The following ARL3 variants were observed in gnomAD, a reference collection of about 807,000 sequenced individuals.
The protein encoded by ARL3 is ADP-ribosylation factor-like protein 3.
In ARL3, 9 loss-of-function variants were observed where a neutral mutation model predicts 26.0. That is an observed-to-expected ratio of 0.35 (90% CI 0.21 to 0.60). ARL3 has a LOEUF of 0.60. ARL3 is among the 20% of genes least tolerant of loss of function. ARL3 has a pLI of 0.78. For missense variants in ARL3, 158 were observed against 215.7 expected, an observed-to-expected ratio of 0.73 and a Z score of 1.67; for synonymous variants, 71 against 78.4, an observed-to-expected ratio of 0.91 and a Z score of 0.50.
At chr10:102,692,446 C>T (rs1358691241) in intron 3 of ARL3, among the ~76,000 whole-genome samples, 1 of 152,210 alleles carries the variant, frequency 6.6e-6, no homozygotes, top group South Asian at 2.1e-4. Context: ...GACGGAGTCT[C>T]GCTCTGTCAC....
intron 3 of ARL3, among the ~76,000 whole-genome samples, chr10:102,691,919 T>TC (rs2064220188): frequency 1.3e-5 from 2 of 152,172 alleles, no homozygotes; most frequent in African/African-American, 2.4e-5. Flanking sequence ...TAGAATCTAA[T>TC]CCCAGGGACT....
intron 3 of ARL3, 65 bp downstream of exon 3, chr10:102,699,308 A>G (rs2064265607): frequency 5.7e-6 from 5 of 874,266 alleles, no homozygotes; most frequent in African/African-American, 3.1e-5. Context: ...AGAATGTTAC[A>G]GTGTCCATGT....
intron 2 of ARL3, among the ~76,000 whole-genome samples, chr10:102,703,425 C>CTTTTTTTTTTTTTTTTTTTT (rs57721161): frequency 4.1e-5 from 2 of 48,478 alleles, no homozygotes; most frequent in Admixed American, 5.9e-4. Context: ...CAGGACTTGT[C>CTTTTTTTTTTTTTTTTTTTT]TTTTTTTTTT....
chr10:102,693,861 G>C (rs1171893790), intron 3 of ARL3, among the ~76,000 whole-genome samples: 1 of 151,858 alleles, frequency 6.6e-6, no homozygotes, highest in African/African-American at 2.4e-5. Context: ...TTTTTGTAGA[G>C]ACAGGGTCAC....
Position 102,673,759 on chromosome 10 carries a change from A to G in ARL3, c.*3135T>C, listed in dbSNP as rs1590116169. 6.6e-6 allele frequency: 1 copy of G among 152,286 alleles called. No homozygotes were observed. The highest frequency in any genetic ancestry group is 1.9e-4 in the East Asian group (1 of 5,188). 9.4% of individuals were successfully genotyped at this position (152,286 alleles called of 1,614,324 possible). On this transcript the variant is annotated 3_prime_UTR_variant, in exon 6 of 6. Transcript: ENST00000260746. Reference sequence around the variant, plus strand: ...GTTCCAGCTAAATTTTATTTGTCGGATTTTTGACAGACGTCTAAATTATAC... The same window carrying G: ...GTTCCAGCTAAATTTTATTTGTCGGGTTTTTGACAGACGTCTAAATTATAC...
Position 102,685,876 on chromosome 10 carries a change from G to A in ARL3, c.441C>T (p.Thr147=). 1 of 1,614,106 alleles carries A rather than the reference G, an allele frequency of 6.2e-7. No individual in the cohort carries two copies. The highest frequency in any genetic ancestry group is 8.5e-7 in the Non-Finnish European group (1 of 1,180,024). ...SEIAEGLNLH[T]IRDRVWQIQS... Reference sequence around the variant, plus strand: ...GGATCTGCCAGACTCGGTCGCGGATGGTATGCAGGTTCAGTCCTTCTGCAA... The same window carrying A: ...GGATCTGCCAGACTCGGTCGCGGATAGTATGCAGGTTCAGTCCTTCTGCAA... Residue 147 remains threonine, a synonymous_variant, in exon 5 of 6, where the codon ACC becomes ACT. Transcript: ENST00000260746.
rs75713255 is a variant in ARL3, at chr10:102,691,878, C to T, written c.265-1935G>A. ...ACCTTCACTCTAAGCTGCTACAAAA[C>T]TGGCAGACAGGGCTGTGAGTCACAA... On this transcript the variant is annotated intron_variant, in intron 3 of 5. Transcript: ENST00000260746. 9.8e-4 allele frequency among the ~76,000 whole-genome samples: 149 copies of T among 152,344 alleles called. 1 individual carries two copies. Among genetic ancestry groups the T allele is most frequent in the African/African-American group, 3.3e-3 (138 of 41,576 alleles).
At chr10:102,709,437 C>A (rs1590129463) in intron 1 of ARL3, among the ~76,000 whole-genome samples, 2 of 132,410 alleles carry the variant, frequency 1.5e-5, no homozygotes, top group East Asian at 2.4e-4. Context: ...GCCAGGAATT[C>A]AAGATCAGCC....
At position 102,676,930 on chromosome 10, in the gene ARL3, G is replaced by A; in HGVS notation, c.513C>T (p.Asn171=). Residue 171 remains asparagine (N), a synonymous_variant, in exon 6 of 6, where the codon AAC becomes AAT. Transcript: ENST00000260746. ...TTGCATTGACATTTTTGCAGACCCA[G>A]TTCATGCCATCCTTTGAGGGAAATG... is the stretch of plus-strand genomic sequence containing the variant. The part of the protein sequence containing the change: ...LTGEGVQDGM[N]WVCKNVNAKK... 1 of 1,614,088 alleles carries A rather than the reference G, an allele frequency of 6.2e-7. No individual in the cohort carries two copies. Among genetic ancestry groups the A allele is most frequent in the Non-Finnish European group, 8.5e-7 (1 of 1,179,930 alleles).
chr10:102,692,855 G>A (rs889334860), intron 3 of ARL3, among the ~76,000 whole-genome samples: 2 of 152,250 alleles, frequency 1.3e-5, no homozygotes, highest in South Asian at 4.1e-4. Flanking sequence ...GACTACAGGC[G>A]CCCGCCGGCA....
chr10:102,684,758 C>A (rs996567141), intron 5 of ARL3, among the ~76,000 whole-genome samples: 2 of 151,966 alleles, frequency 1.3e-5, no homozygotes, highest in African/African-American at 4.8e-5. Context: ...GCTGCCTCAG[C>A]CTCCCAAGTA....
rs2064127976 is a variant in ARL3 at position 102,675,902 on chromosome 10, C to T, written c.*992G>A. The stretch of plus-strand genomic sequence containing the variant: ...GTGGAGCAGGTTCATGGTAAAGCTG[C>T]ATTTATTTCTAAAATCTGATAGCAG... On this transcript the variant is annotated 3_prime_UTR_variant, in exon 6 of 6. Transcript: ENST00000260746. 2 of 152,598 alleles carry T rather than the reference C, an allele frequency of 1.3e-5. No individual in the cohort carries two copies. Among genetic ancestry groups the T allele is most frequent in the African/African-American group, 4.8e-5 (2 of 41,426 alleles). 9.5% of individuals were successfully genotyped at this position (152,598 alleles called of 1,614,324 possible).
rs1180118880 is a variant in ARL3 at position 102,676,263 on chromosome 10, T to G, written c.*631A>C. On this transcript the variant is annotated 3_prime_UTR_variant, in exon 6 of 6. Coordinates refer to ENST00000260746, the MANE Select transcript of ARL3 (RefSeq NM_004311.4). ...GTAGTGACTTGTCTGCAAGAAAGAC[T>G]TTTTTTTTTTTTTCTGTCCAAAGAG... 6.0e-5 allele frequency: 1 copy of G among 16,682 alleles called. No individual in the cohort carries two copies. The highest frequency in any genetic ancestry group is 1.8e-4 in the Non-Finnish European group (1 of 5,614). 1.0% of individuals were successfully genotyped at this position (16,682 alleles called of 1,614,324 possible). A position where few individuals can be genotyped will look rare whatever the true frequency, so the allele number is the denominator to read the frequency against.
chr10:102,698,457 G>A (rs766775562), intron 3 of ARL3, among the ~76,000 whole-genome samples: 9 of 152,130 alleles, frequency 5.9e-5, no homozygotes, highest in Non-Finnish European at 1.2e-4. Context: ...TGATGTAAAC[G>A]CAAACTTTTG....
In ARL3 at chr10:102,689,660, T is replaced by C. The variant is rs186149837; in HGVS notation, c.315+233A>G. On this transcript the variant is annotated intron_variant, in intron 4 of 5. Transcript: ENST00000260746. ...CAGCCTGACCAATGTGGTGAAACCCTCTCTCTACTAAAAATACAAAATTAG... is the reference window on the plus strand; with the variant it reads ...CAGCCTGACCAATGTGGTGAAACCCCCTCTCTACTAAAAATACAAAATTAG... 5.5e-4 allele frequency among the ~76,000 whole-genome samples: 83 copies of C among 151,554 alleles called. No homozygotes were observed. The East Asian group carries it at 0.015, about 28-fold the overall frequency.
At chr10:102,704,940 C>T (rs984412230) in intron 2 of ARL3, among the ~76,000 whole-genome samples, 3 of 151,778 alleles carry the variant, frequency 2.0e-5, no homozygotes, top group African/African-American at 4.8e-5. Flanking sequence ...AGTGTGTCTG[C>T]GTACACATTT....
At chr10:102,690,060 A>C in intron 3 of ARL3, 117 bp from the exon 4 acceptor site, 1 of 574,438 alleles carries the variant, frequency 1.7e-6, no homozygotes, top group South Asian at 2.8e-5. Context: ...CAACATACAG[A>C]AATTGACTGG....
At position 102,704,530 on chromosome 10, in the gene ARL3, C is replaced by A. The variant is rs184605208; in HGVS notation, c.147+816G>T. On this transcript the variant is annotated intron_variant, in intron 2 of 5. Coordinates refer to ENST00000260746, the MANE Select transcript of ARL3 (RefSeq NM_004311.4). ...CGGTGTGCGCCTGTAATCCCAGCTA[C>A]TAGGGAGGCTGAGGTCCAAGAATCG... is the stretch of plus-strand genomic sequence containing the variant. Among the ~76,000 whole-genome samples, 303 of 152,232 alleles carry A rather than the reference C, an allele frequency of 2.0e-3. 2 individuals carry two copies. Among genetic ancestry groups the A allele is most frequent in the Non-Finnish European group, 3.2e-3 (221 of 68,014 alleles).
intron 2 of ARL3, among the ~76,000 whole-genome samples, chr10:102,700,079 T>G (rs146232784): frequency 6.6e-6 from 1 of 152,142 alleles, no homozygotes; most frequent in East Asian, 1.9e-4. Flanking sequence ...GAGCCCTCAG[T>G]TGCAGACACT....
Sources: gnomAD v4.1 joint callset for allele counts (sites outside exome capture counted in the v4.1 genomes callset) on GRCh38, gnomAD v4.1.1 for gene constraint, MANE v1.5 for transcripts, NCBI Gene and HGNC (gene_info 2026-07-23, HGNC 2026-07-21) for gene names.